The following SIPA1L3 variants were observed in gnomAD, a reference collection of about 807,000 sequenced individuals.
SIPA1L3 encodes signal-induced proliferation-associated 1-like protein 3.
SIPA1L3 carries 59 observed loss-of-function variants against 150.1 expected under a neutral mutation model. The observed-to-expected ratio is 0.39, with a 90% CI of 0.32 to 0.49. The LOEUF (loss-of-function observed/expected upper bound fraction) is 0.49, where lower values mean the gene tolerates loss of function less well. SIPA1L3 is among the 20% of genes least tolerant of loss of function. The pLI, the probability that SIPA1L3 is intolerant of heterozygous loss-of-function variation, is 0.86. For missense variants in SIPA1L3, 2,211 were observed against 2,489.5 expected, an observed-to-expected ratio of 0.89 and a Z score of 2.38; for synonymous variants, 1,070 against 1,077.6, an observed-to-expected ratio of 0.99 and a Z score of 0.14.
chr19:38,158,678 C>T (rs1220640333), intron 13 of SIPA1L3, among the ~76,000 whole-genome samples: 4 of 152,154 alleles, frequency 2.6e-5, no homozygotes, highest in Non-Finnish European at 5.9e-5. Context: ...TTAAAGGCAG[C>T]GTTAACCAAA....
intron 1 of SIPA1L3, among the ~76,000 whole-genome samples, chr19:37,940,387 G>A (rs563137566): frequency 6.6e-6 from 1 of 151,970 alleles, no homozygotes; most frequent in African/African-American, 2.4e-5. Flanking sequence ...ACCCTCTACT[G>A]TATTATTTTA....
chr19:38,000,029 C>T (rs969689487), intron 1 of SIPA1L3, among the ~76,000 whole-genome samples: 7 of 152,152 alleles, frequency 4.6e-5, no homozygotes, highest in African/African-American at 1.4e-4. Flanking sequence ...GATGATAGTA[C>T]CTGCCTCGTA....
At chr19:38,054,865 G>A (rs61657018) in intron 2 of SIPA1L3, among the ~76,000 whole-genome samples, 25,245 of 152,178 alleles carry the variant, frequency 0.17, 2,163 homozygotes, top group South Asian at 0.27. Context: ...GGATGGCTGC[G>A]CTTCTGCCAT....
chr19:38,117,410 A>G (rs1207210475), intron 8 of SIPA1L3, among the ~76,000 whole-genome samples: 1 of 152,068 alleles, frequency 6.6e-6, no homozygotes. Context: ...ACTTGAGGTC[A>G]GTAGTTCAAG....
intron 2 of SIPA1L3, among the ~76,000 whole-genome samples, chr19:38,044,403 T>G (rs1568517608): frequency 6.6e-6 from 1 of 151,970 alleles, no homozygotes; most frequent in Non-Finnish European, 1.5e-5. Context: ...AGCGAAGCTG[T>G]GCGGAGAGAC....
At chr19:38,003,396 T>G (rs1967859438) in intron 1 of SIPA1L3, among the ~76,000 whole-genome samples, 4 of 152,160 alleles carry the variant, frequency 2.6e-5, no homozygotes. Context: ...GAAGTATAGT[T>G]TAAGTGTCAT....
At chr19:38,066,653 CCT>C (rs1969600214) in intron 2 of SIPA1L3, among the ~76,000 whole-genome samples, 2 of 151,600 alleles carry the variant, frequency 1.3e-5, no homozygotes, top group Non-Finnish European at 2.9e-5. Context: ...TGGTGAAACC[CCT>C]GTCTCTACTA....
At chr19:38,089,933 C>T (rs1223002149) in intron 4 of SIPA1L3, among the ~76,000 whole-genome samples, 1 of 152,172 alleles carries the variant, frequency 6.6e-6, no homozygotes, top group African/African-American at 2.4e-5. Context: ...CTGCTTTTTG[C>T]ATCGCGAGTG....
At chr19:38,001,052 T>C (rs549515137) in intron 1 of SIPA1L3, among the ~76,000 whole-genome samples, 14 of 149,026 alleles carry the variant, frequency 9.4e-5, no homozygotes, top group South Asian at 6.4e-4. Context: ...ATATCACACA[T>C]ATATATATAT....
chr19:38,058,507 G>T (rs560893974), intron 2 of SIPA1L3, among the ~76,000 whole-genome samples: 42 of 152,258 alleles, frequency 2.8e-4, no homozygotes, highest in African/African-American at 9.9e-4. Context: ...CTGTGAGGGT[G>T]CCCCGCTCTC....
In SIPA1L3 at chr19:38,067,677, G is replaced by A. The variant is rs183583045; in HGVS notation, c.-310-13579G>A. On this transcript the variant is annotated intron_variant, in intron 2 of 21. Transcript: ENST00000222345. ...CTCTGGAGGCTGAGGCAGAAGAATC[G>A]CTTGAACCCCGGAGGTGGAGGTTGC... Among the ~76,000 whole-genome samples the A allele has an allele frequency of 3.0e-3, 448 of 151,758 alleles. 2 individuals carry two copies. Among genetic ancestry groups the A allele is most frequent in the African/African-American group, 0.01 (420 of 41,416 alleles).
chr19:38,158,577 C>T (rs1207752944), intron 13 of SIPA1L3, among the ~76,000 whole-genome samples: 1 of 152,178 alleles, frequency 6.6e-6, no homozygotes, highest in African/African-American at 2.4e-5. Context: ...TTCCCAGGAG[C>T]CCCTGGCTAC....
At chr19:38,132,634 G>A (rs537444983) in intron 10 of SIPA1L3, among the ~76,000 whole-genome samples, 156 of 149,120 alleles carry the variant, frequency 1.0e-3, no homozygotes, top group African/African-American at 3.6e-3. Flanking sequence ...TTTGATTCAT[G>A]TATCTCTTGA....
At chr19:37,941,120 ACACT>A (rs1450712416) in intron 1 of SIPA1L3, among the ~76,000 whole-genome samples, 2 of 148,806 alleles carry the variant, frequency 1.3e-5, no homozygotes, top group African/African-American at 2.5e-5. Flanking sequence ...ACACACACAC[ACACT>A]GTTTCTTTTT....
chr19:38,177,274 T>G (rs896910166), intron 15 of SIPA1L3, among the ~76,000 whole-genome samples: 10 of 148,192 alleles, frequency 6.7e-5, no homozygotes, highest in Non-Finnish European at 1.3e-4. Flanking sequence ...GGCAGGAGAA[T>G]GACGTGAACC....
At chr19:38,042,101 G>A (rs1051247181) in intron 2 of SIPA1L3, among the ~76,000 whole-genome samples, 9 of 152,156 alleles carry the variant, frequency 5.9e-5, no homozygotes, top group Non-Finnish European at 1.3e-4. Flanking sequence ...AGCTTTTGGT[G>A]TGATGTCTAA....
chr19:38,075,644 G>T (rs1969820759), intron 2 of SIPA1L3, among the ~76,000 whole-genome samples: 1 of 151,166 alleles, frequency 6.6e-6, no homozygotes, highest in South Asian at 2.1e-4. Flanking sequence ...GCCAGGCATG[G>T]TGGTGTGCAC....
chr19:38,065,376 C>T (rs1969548497), intron 2 of SIPA1L3, among the ~76,000 whole-genome samples: 1 of 150,204 alleles, frequency 6.7e-6, no homozygotes, highest in Non-Finnish European at 1.5e-5. Flanking sequence ...CAAGGGGTGA[C>T]TCTCACTCTG....
chr19:37,931,873 T>G (rs1024288320), intron 1 of SIPA1L3, among the ~76,000 whole-genome samples: 22 of 152,200 alleles, frequency 1.4e-4, no homozygotes, highest in African/African-American at 5.3e-4. Context: ...GCCTATGACT[T>G]ATTCGTTGAA....
Sources: allele counts gnomAD v4.1 joint callset (sites outside exome capture counted in the v4.1 genomes callset), GRCh38; gene constraint gnomAD v4.1.1; transcripts MANE v1.5; gene names NCBI Gene and HGNC (gene_info 2026-07-23, HGNC 2026-07-21).